The following PIK3C2B variants were observed in gnomAD, a reference collection of about 807,000 sequenced individuals.
PIK3C2B encodes phosphatidylinositol 4-phosphate 3-kinase C2 domain-containing subunit beta.
In PIK3C2B, 83 loss-of-function variants were observed where a neutral mutation model predicts 184.3. The observed-to-expected ratio is 0.45, with a 90% CI of 0.38 to 0.54. The LOEUF (loss-of-function observed/expected upper bound fraction) is 0.54, where lower values mean the gene tolerates loss of function less well. Ranked by LOEUF, PIK3C2B falls within the 20% of genes least tolerant of loss-of-function variation. The pLI is 0.00. For missense variants in PIK3C2B, 1,736 were observed against 2,113.5 expected (o/e 0.82, Z 3.50); for synonymous variants, 779 against 837.6 (o/e 0.93, Z 1.21).
intron 8 of PIK3C2B, among the ~76,000 whole-genome samples, chr1:204,458,160 T>C (rs1412952588): frequency 6.6e-6 from 1 of 152,186 alleles, no homozygotes; most frequent in African/African-American, 2.4e-5. Context: ...ACTTATACTA[T>C]ACACATATAT....
chr1:204,429,821 T>C, intron 29 of PIK3C2B, 100 bp downstream of exon 29: 2 of 775,626 alleles, frequency 2.6e-6, no homozygotes, highest in Non-Finnish European at 4.5e-6. Context: ...AAGTGCCAAG[T>C]CCTGTTCCTG....
chr1:204,450,224 A>C, intron 12 of PIK3C2B: 1 of 531,486 alleles, frequency 1.9e-6, no homozygotes, highest in Non-Finnish European at 3.3e-6. Context: ...CAGAAGCACA[A>C]TGTGGTGTCC....
intron 1 of PIK3C2B, among the ~76,000 whole-genome samples, chr1:204,483,341 C>T (rs1024437082): frequency 6.6e-6 from 1 of 151,074 alleles, no homozygotes; most frequent in Non-Finnish European, 1.5e-5. Flanking sequence ...TCAACTGAGC[C>T]ATGATTGAGA....
chr1:204,431,006 G>T (rs867904303), intron 28 of PIK3C2B, among the ~76,000 whole-genome samples: 9 of 152,326 alleles, frequency 5.9e-5, no homozygotes, highest in Middle Eastern at 6.8e-3. Flanking sequence ...CATAAAATTT[G>T]CCATCTTAAC....
At chr1:204,454,365 C>A (rs916409193) in intron 12 of PIK3C2B, among the ~76,000 whole-genome samples, 1 of 151,782 alleles carries the variant, frequency 6.6e-6, no homozygotes, top group African/African-American at 2.4e-5. Context: ...GCCTGTAGTC[C>A]CAGCTACTCG....
chr1:204,443,341 T>C, intron 19 of PIK3C2B, 76 bp downstream of exon 19: 1 of 1,414,414 alleles, frequency 7.1e-7, no homozygotes, highest in Non-Finnish European at 9.7e-7. Flanking sequence ...AATCTTGTTG[T>C]TCAGGATTCC....
At chr1:204,437,675 C>G (rs1675424929) in intron 23 of PIK3C2B, among the ~76,000 whole-genome samples, 1 of 152,156 alleles carries the variant, frequency 6.6e-6, no homozygotes, top group African/African-American at 2.4e-5. Context: ...ATAAACAGAG[C>G]ATGGTACAGA....
At position 204,457,817 on chromosome 1, in the gene PIK3C2B, C is replaced by A; in HGVS notation, c.1624G>T (p.Ala542Ser). Residue 542 changes from alanine to serine, a missense_variant, in exon 9 of 33, where the codon GCC (alanine) becomes TCC (serine). Ala to Ser is a moderately conservative substitution (Grantham distance 99). This residue lies in a region of PIK3C2B where 609 missense variants were observed against 699.2 expected (regional missense o/e 0.87). Transcript: ENST00000684373. Reference sequence around the variant, plus strand: ...TCAGGGGTTTCCACGGCGGCCAGGGCGTTGCAGATGGCCTTGACGGACTGG... The same window carrying A: ...TCAGGGGTTTCCACGGCGGCCAGGGAGTTGCAGATGGCCTTGACGGACTGG... ...VVQSVKAICN[A>S]LAAVETPEIT... 6.2e-7 allele frequency: 1 copy of A among 1,612,934 alleles called. No homozygotes were observed. Among genetic ancestry groups the A allele is most frequent in the South Asian group, 1.1e-5 (1 of 90,818 alleles).
intron 1 of PIK3C2B, chr1:204,490,481 G>C (rs1657933179): frequency 6.6e-6 from 1 of 152,260 alleles, no homozygotes; most frequent in Admixed American, 6.5e-5. Flanking sequence ...TTGCAGGATA[G>C]GTCCTTTCAC....
intron 28 of PIK3C2B, among the ~76,000 whole-genome samples, chr1:204,430,820 A>T (rs1675013013): frequency 6.6e-6 from 1 of 151,162 alleles, no homozygotes; most frequent in South Asian, 2.1e-4. Flanking sequence ...CACCACACTA[A>T]TTTTTGTATT....
At position 204,439,090 on chromosome 1, in the gene PIK3C2B, G is replaced by A. The variant is rs1248207263; in HGVS notation, c.3380-19C>T. The A allele has an allele frequency of 5.0e-6, 8 of 1,611,770 alleles. No individual in the cohort carries two copies. In the Admixed American group the frequency reaches 1.2e-4, roughly 24 times the overall value. ...ACCATCCCTGTGAGGGGAGAAATGGGGGTCACGTTCCAGACCAGAATGAAG... is the reference window on the plus strand; with the variant it reads ...ACCATCCCTGTGAGGGGAGAAATGGAGGTCACGTTCCAGACCAGAATGAAG... On this transcript the variant is annotated intron_variant, in intron 22 of 32. Coordinates refer to ENST00000684373, the MANE Select transcript of PIK3C2B (RefSeq NM_001377334.1).
At chr1:204,457,306 C>T (rs2103500039) in intron 9 of PIK3C2B, among the ~76,000 whole-genome samples, 1 of 152,358 alleles carries the variant, frequency 6.6e-6, no homozygotes, top group Middle Eastern at 3.4e-3. Context: ...TCCCAACCCT[C>T]AGGCTACTCG....
At chr1:204,472,717 T>TTA (rs1558275904) in intron 1 of PIK3C2B, among the ~76,000 whole-genome samples, 2 of 151,234 alleles carry the variant, frequency 1.3e-5, no homozygotes, top group African/African-American at 4.9e-5. Flanking sequence ...GAGGCGGAGG[T>TTA]TGCAGTGAGC....
intron 8 of PIK3C2B, 25 bp downstream of exon 8, chr1:204,459,853 G>A: frequency 6.2e-7 from 1 of 1,603,850 alleles, no homozygotes; most frequent in Non-Finnish European, 8.5e-7. Context: ...CGGGCAGCAG[G>A]GCCAGCCCCT....
intron 1 of PIK3C2B, among the ~76,000 whole-genome samples, chr1:204,473,738 C>T (rs1656481093): frequency 1.3e-5 from 2 of 152,224 alleles, no homozygotes; most frequent in African/African-American, 4.8e-5. Flanking sequence ...CTTATGCATA[C>T]TTGCACTCAG....
At chr1:204,457,421 T>C (rs1454149452) in intron 9 of PIK3C2B, among the ~76,000 whole-genome samples, 1 of 152,170 alleles carries the variant, frequency 6.6e-6, no homozygotes, top group Non-Finnish European at 1.5e-5. Context: ...TCCTGGTTTG[T>C]TTTTGCACCC....
Position 204,456,190 on chromosome 1 carries a change from T to C in PIK3C2B, c.1748-139A>G, listed in dbSNP as rs947374649. 4 of 554,444 alleles carry C rather than the reference T, an allele frequency of 7.2e-6. No homozygotes were observed. In the Admixed American group the frequency reaches 1.5e-4, roughly 20 times the overall value. The allele number at this position is 554,444 out of a possible 1,614,324, so 34.3% of individuals were successfully genotyped here. ...TCAGTCTCTAATAGCTGTGACAAAG[T>C]TCACCCATCTGCGGTAAAATGAGAA... On this transcript the variant is annotated intron_variant, in intron 10 of 32. Coordinates refer to ENST00000684373, the MANE Select transcript of PIK3C2B (RefSeq NM_001377334.1).
At chr1:204,445,849 C>A in intron 16 of PIK3C2B, 107 bp downstream of exon 16, 2 of 644,708 alleles carry the variant, frequency 3.1e-6, no homozygotes, top group South Asian at 9.5e-5. Flanking sequence ...AATATCCACA[C>A]CCACTTTACC....
chr1:204,466,748 A>G, intron 2 of PIK3C2B: 1 of 475,676 alleles, frequency 2.1e-6, no homozygotes, highest in Non-Finnish European at 4.3e-6. Flanking sequence ...CACTGGCACC[A>G]TAAGAAAACA....
Sources: gnomAD v4.1 joint callset for allele counts (sites outside exome capture counted in the v4.1 genomes callset) on GRCh38, gnomAD v4.1.1 for gene constraint, gnomAD v4.1.1 regional missense constraint, MANE v1.5 for transcripts, NCBI Gene and HGNC (gene_info 2026-07-23, HGNC 2026-07-21) for gene names.